The following IL1RAPL1 variants were observed in gnomAD, a reference collection of about 807,000 sequenced individuals.
IL1RAPL1 encodes interleukin 1 receptor accessory protein like 1, also known as interleukin-1 receptor accessory protein-like 1.
A neutral mutation model predicts 48.4 loss-of-function variants in IL1RAPL1; 3 were observed. The observed-to-expected ratio is 0.06, with a 90% confidence interval of 0.03 to 0.16. The LOEUF (loss-of-function observed/expected upper bound fraction) is 0.16. Ranked by LOEUF, IL1RAPL1 falls within the 10% of genes least tolerant of loss-of-function variation. The pLI, the probability that IL1RAPL1 is intolerant of heterozygous loss-of-function variation, is 1.00. For synonymous variants in IL1RAPL1, 185 were observed against 187.7 expected, an observed-to-expected ratio of 0.99 and a Z score of 0.12; for missense variants, 349 against 530.6, an observed-to-expected ratio of 0.66 and a Z score of 3.36.
At chrX:28,606,220 G>A (rs781268245) in intron 1 of IL1RAPL1, among the ~76,000 whole-genome samples, 4 of 111,976 alleles carry the variant, frequency 3.6e-5, no homozygotes, top group Non-Finnish European at 5.6e-5. Flanking sequence ...AAATATTGTT[G>A]TAAAATAAAG....
intron 6 of IL1RAPL1, among the ~76,000 whole-genome samples, chrX:29,769,963 A>G (rs1929019320): frequency 9.1e-6 from 1 of 109,836 alleles, no homozygotes; most frequent in Non-Finnish European, 1.9e-5. Context: ...CCCAATAAAT[A>G]TGCTTTCATA....
chrX:28,912,131 T>A (rs1301806983), intron 2 of IL1RAPL1, among the ~76,000 whole-genome samples: 1 of 107,565 alleles, frequency 9.3e-6, no homozygotes, highest in Non-Finnish European at 1.9e-5. Flanking sequence ...AATTTTAAGG[T>A]TTTGAGCCAA....
At chrX:29,527,588 G>A (rs746630842) in intron 5 of IL1RAPL1, among the ~76,000 whole-genome samples, 3 of 110,122 alleles carry the variant, frequency 2.7e-5, no homozygotes, top group Admixed American at 1.9e-4. Flanking sequence ...TCCTCCCAAA[G>A]TGCTGGGATT....
At chrX:28,697,158 T>G (rs1403053315) in intron 1 of IL1RAPL1, among the ~76,000 whole-genome samples, 1 of 111,476 alleles carries the variant, frequency 9.0e-6, no homozygotes, top group African/African-American at 3.2e-5. Flanking sequence ...TTGCTTGGCT[T>G]TTAAATTTTC....
chrX:28,763,232 G>T (rs911905035), intron 1 of IL1RAPL1, among the ~76,000 whole-genome samples: 1 of 111,337 alleles, frequency 9.0e-6, no homozygotes, highest in Non-Finnish European at 1.9e-5. Flanking sequence ...ATGAGAAGAG[G>T]ATGGACAGGT....
At chrX:28,675,904 C>CTAAAGTCTTA (rs2146916856) in intron 1 of IL1RAPL1, among the ~76,000 whole-genome samples, 1 of 112,099 alleles carries the variant, frequency 8.9e-6, no homozygotes, top group African/African-American at 3.2e-5. Context: ...TGGGCAGCTC[C>CTAAAGTCTTA]AAGTCCTAAA....
At chrX:29,583,064 T>C (rs1010686540) in intron 5 of IL1RAPL1, among the ~76,000 whole-genome samples, 3 of 104,784 alleles carry the variant, frequency 2.9e-5, no homozygotes, top group Non-Finnish European at 5.8e-5. Context: ...TGTTGTTTCC[T>C]GACTTTTTAA....
chrX:29,757,577 G>GTCAA (rs1928650635), intron 6 of IL1RAPL1, among the ~76,000 whole-genome samples: 1 of 112,186 alleles, frequency 8.9e-6, no homozygotes, highest in African/African-American at 3.2e-5. Context: ...TGTGACTCAA[G>GTCAA]TGATATGTGT....
At chrX:28,760,548 A>G (rs1936157882) in intron 1 of IL1RAPL1, among the ~76,000 whole-genome samples, 1 of 112,024 alleles carries the variant, frequency 8.9e-6, no homozygotes, top group African/African-American at 3.2e-5. Context: ...ATGGGTCTCA[A>G]AAGCAGTAAT....
At chrX:29,662,837 T>A (rs1229685546) in intron 5 of IL1RAPL1, among the ~76,000 whole-genome samples, 1 of 111,889 alleles carries the variant, frequency 8.9e-6, no homozygotes, top group African/African-American at 3.2e-5. Flanking sequence ...GTTCAGTTGC[T>A]TAGTCACTCC....
chrX:29,285,900 C>T (rs756737436), intron 3 of IL1RAPL1, among the ~76,000 whole-genome samples: 4 of 111,650 alleles, frequency 3.6e-5, no homozygotes, highest in African/African-American at 1.3e-4. Context: ...TCAGTTGAGT[C>T]ACTGACATTT....
At chrX:28,749,398 C>CT (rs1936013200) in intron 1 of IL1RAPL1, among the ~76,000 whole-genome samples, 1 of 111,762 alleles carries the variant, frequency 8.9e-6, no homozygotes, top group Admixed American at 9.5e-5. Context: ...TAAAAGCTCC[C>CT]TTTTCTCCAA....
At chrX:29,366,169 A>G (rs1288941125) in intron 3 of IL1RAPL1, among the ~76,000 whole-genome samples, 1 of 111,567 alleles carries the variant, frequency 9.0e-6, no homozygotes, top group Non-Finnish European at 1.9e-5. Context: ...GTCAGGACCC[A>G]TTCTGCTTCC....
At chrX:28,890,950 C>A (rs1922755925) in intron 2 of IL1RAPL1, among the ~76,000 whole-genome samples, 1 of 112,268 alleles carries the variant, frequency 8.9e-6, no homozygotes, top group Admixed American at 9.4e-5. Flanking sequence ...CACTGCTCTG[C>A]AAATAGTATT....
Position 28,786,119 on chromosome X carries a change from A to C in IL1RAPL1, c.-24-3201A>C, listed in dbSNP as rs182887709. Reference sequence around the variant, plus strand: ...ATAGGGAAAGGATGTGAATATTAGTAGTATGAATTAATTGGTAGTACTTAC... The same window carrying C: ...ATAGGGAAAGGATGTGAATATTAGTCGTATGAATTAATTGGTAGTACTTAC... On this transcript the variant is annotated intron_variant, in intron 1 of 10. Coordinates refer to ENST00000378993, the MANE Select transcript of IL1RAPL1 (RefSeq NM_014271.4). Among the ~76,000 whole-genome samples the C allele has an allele frequency of 4.1e-4, 46 of 111,867 alleles. 1 individual carries two copies. The East Asian group carries it at 0.011, about 26-fold the overall frequency.
intron 2 of IL1RAPL1, among the ~76,000 whole-genome samples, chrX:29,217,756 TTCTC>T (rs752532448): frequency 0.018 from 1,558 of 88,066 alleles, 35 homozygotes; most frequent in African/African-American, 0.055. Flanking sequence ...TATACATTTT[TTCTC>T]TCTCTCTCTC....
At chrX:29,139,914 A>T (rs1929212610) in intron 2 of IL1RAPL1, among the ~76,000 whole-genome samples, 1 of 111,580 alleles carries the variant, frequency 9.0e-6, no homozygotes, top group Non-Finnish European at 1.9e-5. Context: ...TTAGTGTCTT[A>T]GTCAATTTTG....
At chrX:29,070,027 T>G (rs1165362494) in intron 2 of IL1RAPL1, among the ~76,000 whole-genome samples, 2 of 112,110 alleles carry the variant, frequency 1.8e-5, no homozygotes, top group Non-Finnish European at 1.9e-5. Context: ...TTAATGTTTT[T>G]GGATTGCACG....
chrX:29,640,263 G>T (rs1407009403), intron 5 of IL1RAPL1, among the ~76,000 whole-genome samples: 1 of 112,269 alleles, frequency 8.9e-6, no homozygotes, highest in Non-Finnish European at 1.9e-5. Flanking sequence ...AGTAATCACT[G>T]CTATTTCTCT....
Sources: allele counts gnomAD v4.1 joint callset (sites outside exome capture counted in the v4.1 genomes callset), GRCh38; gene constraint gnomAD v4.1.1; transcripts MANE v1.5; gene names NCBI Gene and HGNC (gene_info 2026-07-23, HGNC 2026-07-21).